The following MALRD1 variants were observed in gnomAD, a reference collection of about 807,000 sequenced individuals.
MALRD1 encodes MAM and LDL receptor class A domain containing 1.
A neutral mutation model predicts 242.1 loss-of-function variants in MALRD1; 247 were observed. The ratio of observed to expected loss-of-function variants is 1.02; its 90% CI spans 0.92 to 1.13. The LOEUF is 1.13. Among genes scored for constraint, MALRD1 ranks in the 50% most tolerant of loss-of-function variants. MALRD1 has a pLI of 0.00. For missense variants in MALRD1, 2,989 were observed against 2,533.1 expected, an observed-to-expected ratio of 1.18 and a Z score of -3.86; for synonymous variants, 995 against 866.6, an observed-to-expected ratio of 1.15 and a Z score of -2.60.
At chr10:19,369,402 G>GCACA (rs35235481) in intron 26 of MALRD1, among the ~76,000 whole-genome samples, 9 of 146,700 alleles carry the variant, frequency 6.1e-5, no homozygotes, top group African/African-American at 1.7e-4. Flanking sequence ...ATATATAAAT[G>GCACA]CACACACACA....
At chr10:19,487,240 C>A (rs1241791169) in intron 29 of MALRD1, among the ~76,000 whole-genome samples, 1 of 151,932 alleles carries the variant, frequency 6.6e-6, no homozygotes, top group East Asian at 1.9e-4. Context: ...TTTATCATTA[C>A]CATTTTGGCT....
At chr10:19,480,093 G>C (rs562146353) in intron 29 of MALRD1, among the ~76,000 whole-genome samples, 185 of 152,292 alleles carry the variant, frequency 1.2e-3, no homozygotes, top group African/African-American at 4.2e-3. Context: ...TGGCTGAGGA[G>C]GGACAAGTGC....
At chr10:19,120,232 T>A (rs926196504) in intron 5 of MALRD1, among the ~76,000 whole-genome samples, 1 of 151,608 alleles carries the variant, frequency 6.6e-6, no homozygotes, top group African/African-American at 2.4e-5. Context: ...AGAAAAAAAA[T>A]AGGTGGTAAC....
intron 34 of MALRD1, among the ~76,000 whole-genome samples, chr10:19,605,049 C>A (rs958058735): frequency 6.6e-6 from 1 of 152,028 alleles, no homozygotes; most frequent in African/African-American, 2.4e-5. Context: ...TTTATCTTGT[C>A]TATGTATATC....
chr10:19,150,156 C>T (rs749020274), intron 11 of MALRD1, among the ~76,000 whole-genome samples: 6 of 152,088 alleles, frequency 3.9e-5, no homozygotes, highest in South Asian at 2.1e-4. Flanking sequence ...AATTTGCATA[C>T]GTGTTTTTGT....
intron 28 of MALRD1, among the ~76,000 whole-genome samples, chr10:19,410,679 CTTT>C (rs58147034): frequency 7.5e-6 from 1 of 132,914 alleles, no homozygotes; most frequent in African/African-American, 2.8e-5. Context: ...TCCTTCCTTC[CTTT>C]TTTTTTTTTT....
chr10:19,171,498 ATATATGTGTCTATGTG>A (rs1834937699), intron 13 of MALRD1, among the ~76,000 whole-genome samples: 8 of 140,032 alleles, frequency 5.7e-5, no homozygotes, highest in East Asian at 4.1e-4. Context: ...ACACACACAT[ATATATGTGTCTATGTG>A]TGTATATAAA....
chr10:19,316,575 G>T (rs1284569122), intron 21 of MALRD1, among the ~76,000 whole-genome samples: 1 of 151,884 alleles, frequency 6.6e-6, no homozygotes, highest in African/African-American at 2.4e-5. Context: ...GTGGGTCAGG[G>T]ACTTTTATCA....
chr10:19,243,074 T>TGTG (rs1554818745), intron 18 of MALRD1, among the ~76,000 whole-genome samples: 6 of 147,358 alleles, frequency 4.1e-5, no homozygotes, highest in African/African-American at 7.5e-5. Context: ...TTTTTTTTTT[T>TGTG]TGTGTGTGTA....
intron 36 of MALRD1, among the ~76,000 whole-genome samples, chr10:19,625,132 A>T (rs79420334): frequency 1.8e-4 from 27 of 152,170 alleles, no homozygotes; most frequent in East Asian, 1.2e-3. Context: ...AATAAAACAG[A>T]GCTAGAGTCC....
intron 33 of MALRD1, among the ~76,000 whole-genome samples, chr10:19,586,906 A>G (rs1207564025): frequency 6.6e-6 from 1 of 152,250 alleles, no homozygotes; most frequent in Non-Finnish European, 1.5e-5. Context: ...ACTCCGAGCC[A>G]GGTGTGGGAT....
intron 26 of MALRD1, among the ~76,000 whole-genome samples, chr10:19,367,258 C>T (rs1577298): frequency 0.64 from 97,254 of 151,778 alleles, 31,644 homozygotes; most frequent in African/African-American, 0.75. Flanking sequence ...CTCTCCCTAT[C>T]CTCCTCTTCC....
intron 33 of MALRD1, among the ~76,000 whole-genome samples, chr10:19,587,500 G>T (rs922987171): frequency 2.6e-5 from 4 of 152,142 alleles, no homozygotes; most frequent in Non-Finnish European, 1.5e-5. Context: ...AAATCCATCA[G>T]ATTATCCTTG....
chr10:19,256,081 A>G (rs1180945108), intron 18 of MALRD1, among the ~76,000 whole-genome samples: 1 of 152,046 alleles, frequency 6.6e-6, no homozygotes, highest in Non-Finnish European at 1.5e-5. Flanking sequence ...ATGAAGTGGG[A>G]TGTTACTATC....
chr10:19,624,233 T>C (rs113871719), intron 36 of MALRD1, among the ~76,000 whole-genome samples: 2,227 of 152,262 alleles, frequency 0.015, 30 homozygotes, highest in Non-Finnish European at 0.024. Flanking sequence ...GTTGCTTTTA[T>C]AATTTCAAAA....
intron 29 of MALRD1, among the ~76,000 whole-genome samples, chr10:19,476,886 G>A (rs896994621): frequency 4.0e-5 from 6 of 151,780 alleles, no homozygotes; most frequent in East Asian, 1.9e-4. Context: ...TTCAACATAC[G>A]CTTCCAAACT....
chr10:19,513,142 G>T (rs1204692653), intron 31 of MALRD1, among the ~76,000 whole-genome samples: 1 of 152,144 alleles, frequency 6.6e-6, no homozygotes, highest in African/African-American at 2.4e-5. Context: ...GTAATCCCCA[G>T]TGTTGGAGAT....
At chr10:19,618,029 A>T (rs1379150102) in intron 36 of MALRD1, among the ~76,000 whole-genome samples, 1 of 151,894 alleles carries the variant, frequency 6.6e-6, no homozygotes, top group Non-Finnish European at 1.5e-5. Flanking sequence ...CCCTTTGTGC[A>T]TCCATGTGTT....
chr10:19,250,751 A>G (rs754938738), intron 18 of MALRD1, among the ~76,000 whole-genome samples: 10 of 151,880 alleles, frequency 6.6e-5, no homozygotes, highest in Non-Finnish European at 1.5e-4. Flanking sequence ...GATGTGTGTG[A>G]TGATATGTGT....
Sources: allele counts gnomAD v4.1 joint callset (sites outside exome capture counted in the v4.1 genomes callset), GRCh38; gene constraint gnomAD v4.1.1; transcripts MANE v1.5; gene names NCBI Gene and HGNC (gene_info 2026-07-23, HGNC 2026-07-21).